Variants in MIPEP observed in about 807,000 individuals in gnomAD.
The protein encoded by MIPEP is mitochondrial intermediate peptidase.
In MIPEP, 79 loss-of-function variants were observed where a neutral mutation model predicts 90.3. The observed-to-expected ratio is 0.87, with a 90% confidence interval of 0.73 to 1.05. MIPEP has a LOEUF of 1.05. Ranked by LOEUF, MIPEP falls within the 50% of genes least tolerant of loss-of-function variation. The probability of loss-of-function intolerance (pLI) is 0.00; values close to 1 mark genes in which losing one functional copy is unlikely to be tolerated. For missense variants in MIPEP, 940 were observed against 905.6 expected, an observed-to-expected ratio of 1.04 and a Z score of -0.49; for synonymous variants, 334 against 315.8, an observed-to-expected ratio of 1.06 and a Z score of -0.61.
intron 14 of MIPEP, among the ~76,000 whole-genome samples, chr13:23,812,620 C>T (rs750622620): frequency 3.3e-5 from 5 of 152,070 alleles, no homozygotes; most frequent in East Asian, 1.9e-4. Context: ...CCCCGTCCCT[C>T]GCTCACTGCC....
intron 18 of MIPEP, among the ~76,000 whole-genome samples, chr13:23,744,771 A>G (rs1436782080): frequency 2.0e-5 from 3 of 152,248 alleles, no homozygotes; most frequent in Non-Finnish European, 4.4e-5. Flanking sequence ...AGTAGCAGAA[A>G]TTAGTTTTAT....
At chr13:23,882,387 A>C (rs1871306568) in intron 2 of MIPEP, among the ~76,000 whole-genome samples, 2 of 152,126 alleles carry the variant, frequency 1.3e-5, no homozygotes, top group Admixed American at 6.5e-5. Context: ...ATAGTTTCAA[A>C]ACCCATTTAA....
chr13:23,744,682 CAATAA>C (rs1952365605), intron 18 of MIPEP, among the ~76,000 whole-genome samples: 1 of 152,154 alleles, frequency 6.6e-6, no homozygotes, highest in Admixed American at 6.5e-5. Context: ...TAACAATGAA[CAATAA>C]AATAACAAAT....
At chr13:23,789,226 G>C (rs1239628990) in intron 16 of MIPEP, among the ~76,000 whole-genome samples, 2 of 152,118 alleles carry the variant, frequency 1.3e-5, no homozygotes, top group African/African-American at 4.8e-5. Flanking sequence ...AAACCAGTTT[G>C]TTTGCCAGTA....
chr13:23,755,284 A>C (rs1210326485), intron 18 of MIPEP, among the ~76,000 whole-genome samples: 1 of 152,262 alleles, frequency 6.6e-6, no homozygotes, highest in Non-Finnish European at 1.5e-5. Context: ...GGCACATGGA[A>C]TCATGTCTGG....
intron 16 of MIPEP, among the ~76,000 whole-genome samples, chr13:23,796,077 A>G (rs1299636020): frequency 1.3e-5 from 2 of 152,134 alleles, no homozygotes; most frequent in Admixed American, 6.5e-5. Context: ...GTGTGTGTGT[A>G]TATGTATATA....
At chr13:23,826,046 G>A (rs1193376001) in intron 14 of MIPEP, among the ~76,000 whole-genome samples, 15 of 152,018 alleles carry the variant, frequency 9.9e-5, no homozygotes, top group African/African-American at 3.1e-4. Flanking sequence ...TAATGTAGCT[G>A]GGGTTGCAAA....
intron 15 of MIPEP, among the ~76,000 whole-genome samples, chr13:23,809,326 T>TC (rs750512471): frequency 2.0e-5 from 3 of 151,700 alleles, no homozygotes; most frequent in Non-Finnish European, 4.4e-5. Flanking sequence ...TTTCATTTTT[T>TC]CCCAACTGAA....
intron 4 of MIPEP, among the ~76,000 whole-genome samples, chr13:23,875,985 G>A (rs1235452769): frequency 6.6e-6 from 1 of 152,030 alleles, no homozygotes; most frequent in East Asian, 1.9e-4. Context: ...GTTTTGTGTT[G>A]TTATATAGAC....
chr13:23,753,217 C>A (rs113024958), intron 18 of MIPEP, among the ~76,000 whole-genome samples: 3,716 of 145,830 alleles, frequency 0.025, 173 homozygotes, highest in African/African-American at 0.089. Context: ...AGTAGAGACT[C>A]CATCTCAAAA....
intron 16 of MIPEP, among the ~76,000 whole-genome samples, chr13:23,768,723 A>T (rs893739366): frequency 2.6e-5 from 4 of 152,200 alleles, no homozygotes; most frequent in African/African-American, 9.7e-5. Flanking sequence ...TGACAGAGTG[A>T]GACTCTGTCT....
intron 18 of MIPEP, 64 bp from the exon 19 acceptor site, chr13:23,730,509 A>G: frequency 9.4e-7 from 1 of 1,061,624 alleles, no homozygotes; most frequent in African/African-American, 1.6e-5. Flanking sequence ...CAAAGACACA[A>G]AATCAAATCC....
chr13:23,841,923 C>T (rs945282984), intron 10 of MIPEP, among the ~76,000 whole-genome samples: 1 of 151,966 alleles, frequency 6.6e-6, no homozygotes, highest in Non-Finnish European at 1.5e-5. Flanking sequence ...AATCCTGAGG[C>T]ACATTAAGTG....
At chr13:23,843,770 C>T (rs1869410384) in intron 10 of MIPEP, among the ~76,000 whole-genome samples, 1 of 152,122 alleles carries the variant, frequency 6.6e-6, no homozygotes. Flanking sequence ...GCAGTGGGGT[C>T]AGGGATGAAT....
chr13:23,850,663 C>A (rs1251875358), intron 10 of MIPEP, among the ~76,000 whole-genome samples: 1 of 152,158 alleles, frequency 6.6e-6, no homozygotes, highest in East Asian at 1.9e-4. Flanking sequence ...GAGATGACAC[C>A]ACACCAATGT....
chr13:23,784,626 A>G (rs1342800370), intron 16 of MIPEP, among the ~76,000 whole-genome samples: 1 of 152,214 alleles, frequency 6.6e-6, no homozygotes, highest in African/African-American at 2.4e-5. Context: ...ACAAAAGCCA[A>G]AATTGACAAA....
At chr13:23,783,573 T>A (rs987331452) in intron 16 of MIPEP, among the ~76,000 whole-genome samples, 3 of 152,114 alleles carry the variant, frequency 2.0e-5, no homozygotes, top group African/African-American at 7.2e-5. Context: ...CCACTCCTAT[T>A]CAACATAATG....
At chr13:23,785,709 T>C (rs1447509244) in intron 16 of MIPEP, among the ~76,000 whole-genome samples, 2 of 151,240 alleles carry the variant, frequency 1.3e-5, no homozygotes, top group Non-Finnish European at 2.9e-5. Flanking sequence ...AGAACATATA[T>C]GATAGTATGC....
intron 17 of MIPEP, 115 bp downstream of exon 17, chr13:23,759,981 T>A: frequency 7.4e-7 from 1 of 1,346,050 alleles, no homozygotes; most frequent in Non-Finnish European, 1.0e-6. Flanking sequence ...TGCCACTTTC[T>A]GCCAGGTTTG....
Sources: allele counts gnomAD v4.1 joint callset (sites outside exome capture counted in the v4.1 genomes callset), GRCh38; gene constraint gnomAD v4.1.1; transcripts MANE v1.5; gene names NCBI Gene and HGNC (gene_info 2026-07-23, HGNC 2026-07-21).